The following SLITRK4 variants were observed in gnomAD, a reference collection of about 807,000 sequenced individuals.
SLITRK4 encodes the protein SLIT and NTRK-like protein 4.
In SLITRK4, 7 loss-of-function variants were observed where a neutral mutation model predicts 34.7. That is an observed-to-expected ratio of 0.20 (90% confidence interval 0.11 to 0.38). SLITRK4 has a LOEUF of 0.38. Ranked by LOEUF, SLITRK4 falls within the 10% of genes least tolerant of loss-of-function variation. The probability of loss-of-function intolerance (pLI) is 1.00; values close to 1 mark genes in which losing one functional copy is unlikely to be tolerated. For synonymous variants in SLITRK4, 237 were observed against 246.2 expected (o/e 0.96, Z 0.35); for missense variants, 474 against 607.0 (o/e 0.78, Z 2.30).
intron 1 of SLITRK4, among the ~76,000 whole-genome samples, chrX:143,633,645 G>A (rs1009781554): frequency 9.0e-6 from 1 of 111,446 alleles, no homozygotes; most frequent in East Asian, 2.9e-4. Flanking sequence ...AGCGGCCTGA[G>A]GGGGGCAGAA....
rs1930694058 is a variant in SLITRK4 at position 143,623,542 on chromosome X, A to G, written c.*5053T>C. On this transcript the variant is annotated 3_prime_UTR_variant, in exon 2 of 2. Coordinates refer to ENST00000356928, the MANE Select transcript of SLITRK4 (RefSeq NM_001184749.3). ...CTTTTAAAACACAATCCTATCAACC[A>G]GTAGAAACTAAAAAGACATTAAATA... The G allele has an allele frequency of 9.0e-6, 1 of 110,703 alleles. No individual in the cohort carries two copies. Among genetic ancestry groups the G allele is most frequent in the Non-Finnish European group, 1.9e-5 (1 of 52,810 alleles). The allele number at this position is 110,703 out of a possible 1,213,427, so 9.1% of individuals were successfully genotyped here. A position where few individuals can be genotyped will look rare whatever the true frequency, so the allele number is the denominator to read the frequency against.
rs1930866830 is a variant in SLITRK4, at chrX:143,628,121, TTTTTTTA to T, written c.*467_*473del. On this transcript the variant is annotated 3_prime_UTR_variant, in exon 2 of 2. Coordinates refer to ENST00000356928, the MANE Select transcript of SLITRK4 (RefSeq NM_001184749.3). Reference sequence around the variant, plus strand: ...TTTTTTTTTTTTTTTTTTTTTTTTTTTTTTTTACTTTTCAGATAATCTTTACACGGAG... The same window carrying T: ...TTTTTTTTTTTTTTTTTTTTTTTTTTCTTTTCAGATAATCTTTACACGGAG... 1.1e-5 allele frequency: 2 copies of T among 174,458 alleles called. No individual in the cohort carries two copies. The highest frequency in any genetic ancestry group is 4.0e-5 in the African/African-American group (1 of 24,948). 14.4% of individuals were successfully genotyped at this position (174,458 alleles called of 1,213,427 possible). A position where few individuals can be genotyped will look rare whatever the true frequency, so the allele number is the denominator to read the frequency against.
chrX:143,635,481 A>ACAC lies in SLITRK4; in HGVS notation c.-51+253_-51+254insGTG, dbSNP rs1931207738. 5.4e-5 allele frequency among the ~76,000 whole-genome samples: 3 copies of ACAC among 55,251 alleles called. No homozygotes were observed. The South Asian group carries it at 4.1e-3, about 76-fold the overall frequency. 48.0% of individuals were successfully genotyped at this position (55,251 alleles called of 115,157 possible). ...TCTTCCAGTCCCCTAATAACGAAGG[A>ACAC]ACACACACACACACACACACACACA... On this transcript the variant is annotated intron_variant, in intron 1 of 1. Coordinates refer to ENST00000356928, the MANE Select transcript of SLITRK4 (RefSeq NM_001184749.3).
rs1930955090 is a variant in SLITRK4 at position 143,629,823 on chromosome X, CT to C, written c.1285del (p.Arg429GlyfsTer32). On this transcript the variant is annotated frameshift_variant, in exon 2 of 2. Coordinates refer to ENST00000356928, the MANE Select transcript of SLITRK4 (RefSeq NM_001184749.3). LOFTEE classifies it high-confidence loss of function. The stretch of plus-strand genomic sequence containing the variant: ...AATTTGATTGCCATTGAGATATAGC[CT>C]GCGTAAATTAGTGAGATTGTGAAAT... ...DVFHNLTNLR[R>X]LYLNGNQIER... The C allele has an allele frequency of 8.3e-7, 1 of 1,208,363 alleles. No homozygotes were observed.
intron 1 of SLITRK4, among the ~76,000 whole-genome samples, chrX:143,632,783 G>T (rs1486672985): frequency 2.7e-5 from 3 of 111,797 alleles, no homozygotes; most frequent in Non-Finnish European, 5.6e-5. Context: ...ATGAGAGCAT[G>T]ATTGGCATTG....
chrX:143,628,130 T>TTTTTTTTTTTTTTTG lies in SLITRK4; in HGVS notation c.*464_*465insCAAAAAAAAAAAAAA. 5.2e-6 allele frequency: 1 copy of TTTTTTTTTTTTTTTG among 193,018 alleles called. No individual in the cohort carries two copies. The highest frequency in any genetic ancestry group is 8.8e-6 in the Non-Finnish European group (1 of 113,514). 15.9% of individuals were successfully genotyped at this position (193,018 alleles called of 1,213,427 possible). On this transcript the variant is annotated 3_prime_UTR_variant, in exon 2 of 2. Coordinates refer to ENST00000356928, the MANE Select transcript of SLITRK4 (RefSeq NM_001184749.3). Reference sequence around the variant, plus strand: ...TTTTTTTTTTTTTTTTTTTTTTTACTTTTCAGATAATCTTTACACGGAGTT... The same window carrying TTTTTTTTTTTTTTTG: ...TTTTTTTTTTTTTTTTTTTTTTTACTTTTTTTTTTTTTTTGTTTCAGATAATCTTTACACGGAGTT...
rs1316722958 is a variant in SLITRK4, at chrX:143,627,122, C to T, written c.*1473G>A. ...TTGCAGACTGTGAACTCATCTGAAA[C>T]CAATGCAAGCATTTTTACAGTGTGG... On this transcript the variant is annotated 3_prime_UTR_variant, in exon 2 of 2. Transcript: ENST00000356928. 1.8e-5 allele frequency: 2 copies of T among 108,973 alleles called. No homozygotes were observed. The highest frequency in any genetic ancestry group is 3.8e-5 in the Non-Finnish European group (2 of 52,458). 9.0% of individuals were successfully genotyped at this position (108,973 alleles called of 1,213,427 possible).
At position 143,625,538 on chromosome X, in the gene SLITRK4, G is replaced by A. The variant is rs1177795868; in HGVS notation, c.*3057C>T. On this transcript the variant is annotated 3_prime_UTR_variant, in exon 2 of 2. Coordinates refer to ENST00000356928, the MANE Select transcript of SLITRK4 (RefSeq NM_001184749.3). Reference sequence around the variant, plus strand: ...TATAGTGCCAAGAAGCCCATGATGTGTCAGCCCACATTAGAAATGAGCACT... The same window carrying A: ...TATAGTGCCAAGAAGCCCATGATGTATCAGCCCACATTAGAAATGAGCACT... 1 of 111,395 alleles carries A rather than the reference G, an allele frequency of 9.0e-6. No homozygotes were observed. Among genetic ancestry groups the A allele is most frequent in the African/African-American group, 3.3e-5 (1 of 30,727 alleles). The allele number at this position is 111,395 out of a possible 1,213,427, so 9.2% of individuals were successfully genotyped here.
rs1160511777 is a variant in SLITRK4, at chrX:143,626,958, A to T, written c.*1637T>A. The T allele has an allele frequency of 9.3e-6, 1 of 107,669 alleles. No homozygotes were observed. Among genetic ancestry groups the T allele is most frequent in the Non-Finnish European group, 1.9e-5 (1 of 52,131 alleles). 8.9% of individuals were successfully genotyped at this position (107,669 alleles called of 1,213,427 possible). On this transcript the variant is annotated 3_prime_UTR_variant, in exon 2 of 2. Coordinates refer to ENST00000356928, the MANE Select transcript of SLITRK4 (RefSeq NM_001184749.3). Reference sequence around the variant, plus strand: ...TATATGCAGGCAGGCCAAGAAGACAATGTGTTTCTGAATATCACTTTGTTA... The same window carrying T: ...TATATGCAGGCAGGCCAAGAAGACATTGTGTTTCTGAATATCACTTTGTTA...
chrX:143,628,068 A>G lies in SLITRK4; in HGVS notation c.*527T>C, dbSNP rs1556425823. The G allele has an allele frequency of 4.3e-6, 1 of 234,946 alleles. No homozygotes were observed. The highest frequency in any genetic ancestry group is 4.2e-5 in the African/African-American group (1 of 23,658). 19.4% of individuals were successfully genotyped at this position (234,946 alleles called of 1,213,427 possible). On this transcript the variant is annotated 3_prime_UTR_variant, in exon 2 of 2. Transcript: ENST00000356928. ...TAAAGGTTACCAATTTACAAATACT[A>G]TCGAGTGTTCTCTCTTTGCATGCTT...
At position 143,628,911 on chromosome X, in the gene SLITRK4, T is replaced by A. The variant is rs782491615; in HGVS notation, c.2198A>T (p.His733Leu). Residue 733 changes from histidine (H) to leucine (L), a missense_variant, in exon 2 of 2, where the codon CAT becomes CTT. By Grantham distance (99) the His-to-Leu change is moderately conservative (BLOSUM62 -3). Around this residue, in one of 3 missense-constraint regions of SLITRK4, gnomAD observed 345 missense variants for 406.5 expected, o/e 0.85. Transcript: ENST00000356928. ...GCTCAGTCTCTTCCTGGTATCTACA[T>A]GTAATAAATCTTTCTCCTTGTCGGC... ...NVADKEKDLL[H>L]VDTRKRLSTI... 33 of 1,211,866 alleles carry A rather than the reference T, an allele frequency of 2.7e-5. No homozygotes were observed. Among genetic ancestry groups the A allele is most frequent in the Non-Finnish European group, 3.7e-5 (33 of 895,464 alleles).
In SLITRK4 at chrX:143,625,450, T is replaced by C. The variant is rs1479668225; in HGVS notation, c.*3145A>G. ...GGACACAATATATTATCTCAACCCC[T>C]TCACTGATTTCATAAGATCTAAATT... On this transcript the variant is annotated 3_prime_UTR_variant, in exon 2 of 2. Coordinates refer to ENST00000356928, the MANE Select transcript of SLITRK4 (RefSeq NM_001184749.3). 2 of 111,352 alleles carry C rather than the reference T, an allele frequency of 1.8e-5. No homozygotes were observed. Among genetic ancestry groups the C allele is most frequent in the Non-Finnish European group, 3.8e-5 (2 of 52,751 alleles). The allele number at this position is 111,352 out of a possible 1,213,427, so 9.2% of individuals were successfully genotyped here. A position where few individuals can be genotyped will look rare whatever the true frequency, so the allele number is the denominator to read the frequency against.
intron 1 of SLITRK4, chrX:143,634,574 C>T (rs1446061586): frequency 9.1e-6 from 1 of 109,419 alleles, no homozygotes; most frequent in East Asian, 2.9e-4. Context: ...CAAGGACACC[C>T]GGATCCTTTC....
intron 1 of SLITRK4, chrX:143,634,382 C>T (rs1320708959): frequency 1.8e-5 from 2 of 111,953 alleles, no homozygotes; most frequent in African/African-American, 6.5e-5. Flanking sequence ...CTCCGACCAA[C>T]CCGCGGGCCA....
At position 143,631,164 on chromosome X, in the gene SLITRK4, A is replaced by G. The variant is rs1250473525; in HGVS notation, c.-50-6T>C. ...TCTGAATAAAGAGAAATAATCTAAA[A>G]AATAAAAAGAAAACATTTTTTCAAT... On this transcript the variant is annotated splice_region_variant and splice_polypyrimidine_tract_variant and intron_variant, in intron 1 of 1. Coordinates refer to ENST00000356928, the MANE Select transcript of SLITRK4 (RefSeq NM_001184749.3). The G allele has an allele frequency of 1.0e-6, 1 of 964,598 alleles. No homozygotes were observed. The highest frequency in any genetic ancestry group is 2.0e-5 in the African/African-American group (1 of 50,509). The allele number at this position is 964,598 out of a possible 1,213,427, so 79.5% of individuals were successfully genotyped here. A position where few individuals can be genotyped will look rare whatever the true frequency, so the allele number is the denominator to read the frequency against.
At position 143,628,176 on chromosome X, in the gene SLITRK4, A is replaced by G. The variant is rs1339146954; in HGVS notation, c.*419T>C. ...GAGTTGTTACAATGCCACAAATCAA[A>G]AGGATTATTCCAGTTCCACCAACTT... On this transcript the variant is annotated 3_prime_UTR_variant, in exon 2 of 2. Coordinates refer to ENST00000356928, the MANE Select transcript of SLITRK4 (RefSeq NM_001184749.3). The G allele has an allele frequency of 7.5e-6, 2 of 266,685 alleles. No homozygotes were observed. Among genetic ancestry groups the G allele is most frequent in the African/African-American group, 6.6e-5 (2 of 30,091 alleles). 22.0% of individuals were successfully genotyped at this position (266,685 alleles called of 1,213,427 possible).
intron 1 of SLITRK4, among the ~76,000 whole-genome samples, 153 bp downstream of exon 1, chrX:143,635,582 C>G (rs1569478851): frequency 9.2e-6 from 1 of 108,533 alleles, no homozygotes; most frequent in East Asian, 3.0e-4. Flanking sequence ...CAAAGAAACA[C>G]TGGAGAGCCT....
intron 1 of SLITRK4, among the ~76,000 whole-genome samples, chrX:143,635,497 C>CAT (rs1488871346): frequency 1.0e-5 from 1 of 99,163 alleles, no homozygotes; most frequent in African/African-American, 3.8e-5. Flanking sequence ...CACACACACA[C>CAT]ACACACACAC....
rs782092464 is a variant in SLITRK4 at position 143,627,930 on chromosome X, G to A, written c.*665C>T. ...CTTTTAGATTTTTATGTATAGACAG[G>A]TAATGCTTAAAGTGTTCAAATTTAT... On this transcript the variant is annotated 3_prime_UTR_variant, in exon 2 of 2. Transcript: ENST00000356928. 1 of 205,348 alleles carries A rather than the reference G, an allele frequency of 4.9e-6. No homozygotes were observed. Among genetic ancestry groups the A allele is most frequent in the African/African-American group, 2.9e-5 (1 of 34,040 alleles). 16.9% of individuals were successfully genotyped at this position (205,348 alleles called of 1,213,427 possible). A position where few individuals can be genotyped will look rare whatever the true frequency, so the allele number is the denominator to read the frequency against.
Sources: allele counts gnomAD v4.1 joint callset (sites outside exome capture counted in the v4.1 genomes callset), GRCh38; gene constraint gnomAD v4.1.1; regional missense constraint gnomAD v4.1.1; transcripts MANE v1.5; gene names NCBI Gene and HGNC (gene_info 2026-07-23, HGNC 2026-07-21).